The following ERBB4 variants were observed in gnomAD, a reference collection of about 807,000 sequenced individuals.
ERBB4 encodes the protein receptor tyrosine-protein kinase erbB-4.
Under a neutral mutation model 158.0 loss-of-function variants are expected in ERBB4, and 42 were observed. That is an observed-to-expected ratio of 0.27 (90% confidence interval 0.21 to 0.34). The LOEUF (loss-of-function observed/expected upper bound fraction) is 0.34, where lower values mean the gene tolerates loss of function less well. Among genes scored for constraint, ERBB4 ranks in the 10% least tolerant of loss-of-function variants. ERBB4 has a pLI of 1.00. For synonymous variants in ERBB4, 583 were observed against 558.7 expected (o/e 1.04, Z -0.61); for missense variants, 1,333 against 1,624.1 (o/e 0.82, Z 3.08).
At chr2:212,534,168 A>G (rs1692906961) in intron 1 of ERBB4, among the ~76,000 whole-genome samples, 3 of 152,232 alleles carry the variant, frequency 2.0e-5, no homozygotes, top group Admixed American at 2.0e-4. Context: ...CCAGCTTGAT[A>G]TAACACAAAA....
chr2:211,584,614 T>C (rs2068207503), intron 19 of ERBB4, among the ~76,000 whole-genome samples: 1 of 152,052 alleles, frequency 6.6e-6, no homozygotes, highest in Non-Finnish European at 1.5e-5. Flanking sequence ...TTTTAAGTCT[T>C]TGTCCAGGAC....
chr2:212,397,078 A>G (rs2106451967), intron 1 of ERBB4, among the ~76,000 whole-genome samples: 1 of 152,320 alleles, frequency 6.6e-6, no homozygotes, highest in African/African-American at 2.4e-5. Context: ...AATCTTTACC[A>G]TACTTCTTCT....
chr2:212,513,747 G>C (rs1001189012), intron 1 of ERBB4, among the ~76,000 whole-genome samples: 1 of 152,154 alleles, frequency 6.6e-6, no homozygotes, highest in Non-Finnish European at 1.5e-5. Context: ...AGGAGGCGGA[G>C]CTTGCAGTGC....
intron 5 of ERBB4, among the ~76,000 whole-genome samples, chr2:211,748,977 G>C (rs943322753): frequency 6.6e-6 from 1 of 152,168 alleles, no homozygotes; most frequent in Non-Finnish European, 1.5e-5. Context: ...TATTGTGAAT[G>C]AATTTCACAC....
chr2:212,148,505 G>C lies in ERBB4; in HGVS notation c.83-23602C>G, dbSNP rs144776879. The stretch of plus-strand genomic sequence containing the variant: ...GAAACATAAGTAATACAAAGCCCTA[G>C]GTACTTTCAAAGAGCTGAGGATGAA... On this transcript the variant is annotated intron_variant, in intron 1 of 27. Coordinates refer to ENST00000342788, the MANE Select transcript of ERBB4 (RefSeq NM_005235.3). Among the ~76,000 whole-genome samples the C allele has an allele frequency of 6.6e-3, 1,004 of 152,170 alleles. 7 individuals carry two copies. Among genetic ancestry groups the C allele is most frequent in the Middle Eastern group, 0.024 (7 of 294 alleles).
chr2:211,802,215 C>G (rs955004314), intron 3 of ERBB4, among the ~76,000 whole-genome samples: 3 of 151,632 alleles, frequency 2.0e-5, no homozygotes, highest in Admixed American at 6.6e-5. Flanking sequence ...GCCGAGATAG[C>G]GCCGCTGCAG....
chr2:211,737,717 G>T (rs1254198677), intron 5 of ERBB4, among the ~76,000 whole-genome samples: 1 of 152,056 alleles, frequency 6.6e-6, no homozygotes, highest in Non-Finnish European at 1.5e-5. Flanking sequence ...TTATTAATTT[G>T]GAATAGTGCC....
chr2:212,504,117 CT>C (rs1691050714), intron 1 of ERBB4, among the ~76,000 whole-genome samples: 1 of 152,100 alleles, frequency 6.6e-6, no homozygotes, highest in South Asian at 2.1e-4. Flanking sequence ...CTCTTACATA[CT>C]GATTAGAGAC....
intron 1 of ERBB4, among the ~76,000 whole-genome samples, chr2:212,372,199 C>A (rs1458905761): frequency 2.6e-5 from 4 of 152,036 alleles, no homozygotes; most frequent in African/African-American, 4.8e-5. Flanking sequence ...ACATCAGACA[C>A]AAAGTATAGC....
intron 4 of ERBB4, among the ~76,000 whole-genome samples, chr2:211,775,904 A>G (rs1389163969): frequency 5.3e-5 from 8 of 152,272 alleles, no homozygotes; most frequent in African/African-American, 1.7e-4. Context: ...TGCTTAATCT[A>G]TAACTTTTTT....
intron 1 of ERBB4, among the ~76,000 whole-genome samples, chr2:212,410,460 G>A (rs934109582): frequency 6.6e-5 from 10 of 152,024 alleles, no homozygotes; most frequent in East Asian, 1.9e-4. Flanking sequence ...GAAATCATAC[G>A]TTTTAGTGTC....
chr2:211,817,370 T>C (rs2076901333), intron 3 of ERBB4, among the ~76,000 whole-genome samples: 2 of 152,226 alleles, frequency 1.3e-5, no homozygotes, highest in South Asian at 4.1e-4. Context: ...TAGACAGAGC[T>C]AGGCAATTCT....
chr2:211,574,404 A>T lies in ERBB4; in HGVS notation c.2302-12316T>A, dbSNP rs2067831528. On this transcript the variant is annotated intron_variant, in intron 19 of 27. Transcript: ENST00000342788. The stretch of plus-strand genomic sequence containing the variant: ...ACTACATAAATTTGTTCTTTAACAA[A>T]AAGTAATCACAATAACACTAATAAT... Among the ~76,000 whole-genome samples, 3 of 152,232 alleles carry T rather than the reference A, an allele frequency of 2.0e-5. 1 individual carries two copies. In the South Asian group the frequency reaches 6.2e-4, roughly 32 times the overall value.
chr2:211,485,119 G>C (rs1341067794), intron 20 of ERBB4, among the ~76,000 whole-genome samples: 1 of 152,162 alleles, frequency 6.6e-6, no homozygotes, highest in African/African-American at 2.4e-5. Context: ...AGAGATAAGA[G>C]ACTAATGTGA....
chr2:212,492,300 G>A (rs1278393786), intron 1 of ERBB4, among the ~76,000 whole-genome samples: 1 of 151,168 alleles, frequency 6.6e-6, no homozygotes, highest in African/African-American at 2.4e-5. Context: ...AAATAGACCA[G>A]ATTATATCAT....
At chr2:211,491,556 G>A (rs4561599) in intron 20 of ERBB4, among the ~76,000 whole-genome samples, 50,872 of 151,608 alleles carry the variant, frequency 0.34, 9,494 homozygotes, top group African/African-American at 0.49. Context: ...ATAAAACTAC[G>A]TACATCATTA....
At chr2:212,232,647 A>G (rs2083709532) in intron 1 of ERBB4, among the ~76,000 whole-genome samples, 1 of 152,138 alleles carries the variant, frequency 6.6e-6, no homozygotes, top group Admixed American at 6.5e-5. Context: ...TGACCTCATG[A>G]TCCGCCTGCC....
intron 3 of ERBB4, among the ~76,000 whole-genome samples, chr2:211,807,073 A>G (rs2076635547): frequency 6.6e-6 from 1 of 152,182 alleles, no homozygotes; most frequent in South Asian, 2.1e-4. Flanking sequence ...TTTTAAATAT[A>G]TTCAGAGATA....
intron 2 of ERBB4, among the ~76,000 whole-genome samples, chr2:211,949,269 T>G (rs1482108295): frequency 6.6e-6 from 1 of 152,136 alleles, no homozygotes; most frequent in Non-Finnish European, 1.5e-5. Context: ...TAAATCAAAT[T>G]ACAACACTTC....
Sources: allele counts gnomAD v4.1 joint callset (sites outside exome capture counted in the v4.1 genomes callset), GRCh38; gene constraint gnomAD v4.1.1; transcripts MANE v1.5; gene names NCBI Gene and HGNC (gene_info 2026-07-23, HGNC 2026-07-21).